The following CUX2 variants were observed in gnomAD, a reference collection of about 807,000 sequenced individuals.
The protein encoded by CUX2 is cut like homeobox 2, also known as homeobox protein cut-like 2.
A neutral mutation model predicts 144.8 loss-of-function variants in CUX2; 40 were observed. The observed-to-expected ratio is 0.28, with a 90% CI of 0.21 to 0.36. The LOEUF is 0.36. Ranked by LOEUF, CUX2 falls within the 10% of genes least tolerant of loss-of-function variation. CUX2 has a pLI of 1.00. For synonymous variants in CUX2, 827 were observed against 875.6 expected, an observed-to-expected ratio of 0.94 and a Z score of 0.98; for missense variants, 1,615 against 1,994.0, an observed-to-expected ratio of 0.81 and a Z score of 3.62.
chr12:111,038,262 T>G (rs896095165), intron 1 of CUX2, among the ~76,000 whole-genome samples: 1 of 152,246 alleles, frequency 6.6e-6, no homozygotes, highest in Non-Finnish European at 1.5e-5. Flanking sequence ...CAGCTTGACT[T>G]ATCTAAATGT....
intron 3 of CUX2, among the ~76,000 whole-genome samples, chr12:111,256,929 G>A (rs1333159588): frequency 6.6e-6 from 1 of 152,254 alleles, no homozygotes; most frequent in East Asian, 1.9e-4. Flanking sequence ...ACCTCAGACA[G>A]CTTGGTGGAG....
At chr12:111,250,514 T>C (rs1269842829) in intron 3 of CUX2, among the ~76,000 whole-genome samples, 1 of 152,142 alleles carries the variant, frequency 6.6e-6, no homozygotes, top group Non-Finnish European at 1.5e-5. Context: ...TAGATTAAAA[T>C]TGGAAGGTAT....
rs1256755467 is a variant in CUX2 at position 111,334,431 on chromosome 12, T to G, written c.2927-10T>G. 1 of 1,566,820 alleles carries G rather than the reference T, an allele frequency of 6.4e-7. No individual in the cohort carries two copies. The highest frequency in any genetic ancestry group is 1.4e-5 in the African/African-American group (1 of 72,866). On this transcript the variant is annotated splice_polypyrimidine_tract_variant and intron_variant, in intron 18 of 21. Coordinates refer to ENST00000261726, the MANE Select transcript of CUX2 (RefSeq NM_015267.4). Reference sequence around the variant, plus strand: ...ATAGTAACCACCTTCTCTTTCTCTGTGGCCCACAGCCAGTCCCACAGAACC... The same window carrying G: ...ATAGTAACCACCTTCTCTTTCTCTGGGGCCCACAGCCAGTCCCACAGAACC...
At chr12:111,319,881 C>T (rs532978913) in intron 16 of CUX2, 131 bp from the exon 17 acceptor site, 1 of 1,314,826 alleles carries the variant, frequency 7.6e-7, no homozygotes, top group South Asian at 1.7e-5. Context: ...TTTAGTTAGC[C>T]AATCCCCAGT....
At chr12:111,142,985 CT>C (rs1566250355) in intron 1 of CUX2, among the ~76,000 whole-genome samples, 1 of 152,138 alleles carries the variant, frequency 6.6e-6, no homozygotes, top group Non-Finnish European at 1.5e-5. Context: ...AAGGTGTTCG[CT>C]TTTTTTGGAA....
At chr12:111,309,901 T>G in intron 14 of CUX2, 140 bp from the exon 15 acceptor site, 1 of 654,362 alleles carries the variant, frequency 1.5e-6, no homozygotes, top group Non-Finnish European at 2.2e-6. Context: ...GTCTCTCTGA[T>G]GTGGTTTCTC....
chr12:111,084,126 G>A (rs1872059806), intron 1 of CUX2, among the ~76,000 whole-genome samples: 1 of 152,226 alleles, frequency 6.6e-6, no homozygotes, highest in Non-Finnish European at 1.5e-5. Flanking sequence ...GAGGCAGATA[G>A]AGCCCTGACT....
intron 1 of CUX2, among the ~76,000 whole-genome samples, chr12:111,203,798 TGAGGA>T (rs528359099): frequency 1.2e-3 from 181 of 152,128 alleles, no homozygotes; most frequent in African/African-American, 3.8e-3. Context: ...GAGAGCCCAG[TGAGGA>T]GGCTCCTGTG....
rs565608755 is a variant in CUX2 at position 111,037,044 on chromosome 12, C to T, written c.63+2804C>T. Among the ~76,000 whole-genome samples, 1 of 152,160 alleles carries T rather than the reference C, an allele frequency of 6.6e-6. No individual in the cohort carries two copies. The highest frequency in any genetic ancestry group is 1.5e-5 in the Non-Finnish European group (1 of 68,030). On this transcript the variant is annotated intron_variant, in intron 1 of 21. Coordinates refer to ENST00000261726, the MANE Select transcript of CUX2 (RefSeq NM_015267.4). This position sits in a 1 kb window ranked among gnomAD's most constrained non-coding sequence, Gnocchi z 5.4. Reference sequence around the variant, plus strand: ...CTTTTATTTTCATTTTTTGCCCCTCCCCTACTTTCCTCTTATAGGGGAGAT... The same window carrying T: ...CTTTTATTTTCATTTTTTGCCCCTCTCCTACTTTCCTCTTATAGGGGAGAT...
At chr12:111,105,768 A>G (rs1177551381) in intron 1 of CUX2, among the ~76,000 whole-genome samples, 1 of 152,110 alleles carries the variant, frequency 6.6e-6, no homozygotes, top group African/African-American at 2.4e-5. Context: ...GTGAACAGTA[A>G]TACCTGCTGC....
At chr12:111,147,180 A>G (rs1438368479) in intron 1 of CUX2, among the ~76,000 whole-genome samples, 1 of 152,318 alleles carries the variant, frequency 6.6e-6, no homozygotes, top group Non-Finnish European at 1.5e-5. Flanking sequence ...GCATGCTCTG[A>G]TCTCCAACAT....
In CUX2 at chr12:111,077,530, G is replaced by A. The variant is rs1871608309; in HGVS notation, c.63+43290G>A. 6.6e-6 allele frequency among the ~76,000 whole-genome samples: 1 copy of A among 152,180 alleles called. No individual in the cohort carries two copies. The highest frequency in any genetic ancestry group is 2.4e-5 in the African/African-American group (1 of 41,442). On this transcript the variant is annotated intron_variant, in intron 1 of 21. Transcript: ENST00000261726. This position sits in a 1 kb window ranked among gnomAD's most constrained non-coding sequence, Gnocchi z 4.1. ...CGAGGAGCAGGTCACTGGAGTTCAT[G>A]GGTTAATAACAGGTTTGGTTTTCGA... is the stretch of plus-strand genomic sequence containing the variant.
intron 12 of CUX2, 84 bp from the exon 13 acceptor site, chr12:111,308,201 T>G (rs1886695381): frequency 6.8e-7 from 1 of 1,476,628 alleles, no homozygotes; most frequent in South Asian, 1.1e-5. Flanking sequence ...GTCAGGGAGG[T>G]AAGCCGGGTC....
Position 111,291,636 on chromosome 12 carries a change from G to C in CUX2, c.436+84G>C. The C allele has an allele frequency of 4.2e-6, 6 of 1,417,478 alleles. No individual in the cohort carries two copies. The South Asian group carries it at 9.7e-5, about 23-fold the overall frequency. The allele number at this position is 1,417,478 out of a possible 1,614,324, so 87.8% of individuals were successfully genotyped here. A position where few individuals can be genotyped will look rare whatever the true frequency, so the allele number is the denominator to read the frequency against. ...AGCCAAACTCAGCCAGCCTTGTTGC[G>C]GGGTGGCTGGGGCAGGGAACTGGGC... On this transcript the variant is annotated intron_variant, in intron 5 of 21. Transcript: ENST00000261726.
At chr12:111,271,376 A>T (rs1884640163) in intron 4 of CUX2, among the ~76,000 whole-genome samples, 1 of 152,168 alleles carries the variant, frequency 6.6e-6, no homozygotes, top group Non-Finnish European at 1.5e-5. Context: ...ACAGTTGCTG[A>T]TTCTACATGT....
intron 1 of CUX2, among the ~76,000 whole-genome samples, chr12:111,060,717 C>T (rs779449493): frequency 2.0e-5 from 3 of 152,174 alleles, no homozygotes; most frequent in Non-Finnish European, 4.4e-5. Context: ...TCCCTCAGGC[C>T]CAGCCCGGCC....
intron 1 of CUX2, among the ~76,000 whole-genome samples, chr12:111,137,262 A>G (rs1254420394): frequency 6.6e-6 from 1 of 152,126 alleles, no homozygotes; most frequent in East Asian, 1.9e-4. Context: ...GACACTTTAA[A>G]GTCCACTGTA....
Position 111,322,699 on chromosome 12 carries a change from T to A in CUX2, c.2926+119T>A. 1 of 1,299,596 alleles carries A rather than the reference T, an allele frequency of 7.7e-7. No homozygotes were observed. Among genetic ancestry groups the A allele is most frequent in the East Asian group, 2.5e-5 (1 of 39,686 alleles). The allele number at this position is 1,299,596 out of a possible 1,614,324, so 80.5% of individuals were successfully genotyped here. The stretch of plus-strand genomic sequence containing the variant: ...TCTCTCCCTCCCTGCTGCCCTGGCT[T>A]TCATCCCAGTCACTGTCATGGCTGC... On this transcript the variant is annotated intron_variant, in intron 18 of 21. Transcript: ENST00000261726. The surrounding 1 kb of genome is among the most constrained non-coding windows in gnomAD (Gnocchi z 4.2).
At chr12:111,092,805 AT>A (rs528129107) in intron 1 of CUX2, among the ~76,000 whole-genome samples, 5,242 of 105,942 alleles carry the variant, frequency 0.049, 251 homozygotes, top group African/African-American at 0.11. Context: ...GCTCTGGCAG[AT>A]TTTTTTTTTT....
Sources: gnomAD v4.1 joint callset for allele counts (sites outside exome capture counted in the v4.1 genomes callset) on GRCh38, gnomAD v4.1.1 for gene constraint, Gnocchi (gnomAD v3.1) non-coding constraint, MANE v1.5 for transcripts, NCBI Gene and HGNC (gene_info 2026-07-23, HGNC 2026-07-21) for gene names.